CDYL: variants seen among roughly 807,000 people sequenced by gnomAD.
CDYL encodes chromodomain Y like.
CDYL carries 8 observed loss-of-function variants against 47.3 expected under a neutral mutation model. The observed-to-expected ratio is 0.17, with a 90% CI of 0.10 to 0.31. The LOEUF (loss-of-function observed/expected upper bound fraction) is 0.31. CDYL is among the 10% of genes least tolerant of loss of function. The pLI is 1.00. For missense variants in CDYL, 471 were observed against 701.4 expected, an observed-to-expected ratio of 0.67 and a Z score of 3.71; for synonymous variants, 266 against 265.0, an observed-to-expected ratio of 1.00 and a Z score of -0.04.
At chr6:4,944,643 C>T (rs1758458566) in intron 5 of CDYL, among the ~76,000 whole-genome samples, 1 of 152,166 alleles carries the variant, frequency 6.6e-6, no homozygotes, top group Non-Finnish European at 1.5e-5. Flanking sequence ...CCTTCAGGTT[C>T]CAAGGGGCTT....
chr6:4,818,028 G>A (rs574630865), intron 1 of CDYL, among the ~76,000 whole-genome samples: 34 of 152,234 alleles, frequency 2.2e-4, no homozygotes, highest in Non-Finnish European at 4.0e-4. Flanking sequence ...AGGCTGAGGC[G>A]GGCAGATTGC....
chr6:4,726,531 CAAAAAAA>C (rs58148317), intron 2 of CDYL, among the ~76,000 whole-genome samples: 142 of 100,368 alleles, frequency 1.4e-3, no homozygotes, highest in African/African-American at 4.9e-3. Context: ...GACTCTGTCT[CAAAAAAA>C]AAAAAAAAAA....
At position 4,890,040 on chromosome 6, in the gene CDYL, G is replaced by A. The variant is rs9504284; in HGVS notation, c.25-1673G>A. The A allele has an allele frequency of 9.5e-3, 9,363 of 985,462 alleles. 134 individuals carry two copies. The highest frequency in any genetic ancestry group is 0.092 in the East Asian group (807 of 8,808). The allele number at this position is 985,462 out of a possible 1,614,324, so 61.0% of individuals were successfully genotyped here. On this transcript the variant is annotated intron_variant, in intron 1 of 6. Transcript: ENST00000397588. The stretch of plus-strand genomic sequence containing the variant: ...AAGCAGTGTGCTCCACCAGGCTCCT[G>A]CCTCGGCTCTAAGGAAACAGAGGAA...
intron 1 of CDYL, among the ~76,000 whole-genome samples, chr6:4,883,035 TAATC>T (rs879672395): frequency 5.3e-5 from 8 of 152,204 alleles, no homozygotes; most frequent in Non-Finnish European, 1.0e-4. Flanking sequence ...ATGGAGGACA[TAATC>T]AATCTGTGTA....
intron 1 of CDYL, among the ~76,000 whole-genome samples, chr6:4,872,897 G>C (rs1761515141): frequency 6.6e-6 from 1 of 152,184 alleles, no homozygotes; most frequent in South Asian, 2.1e-4. Flanking sequence ...ATTCAGAACA[G>C]GAATTTCTTT....
At chr6:4,796,911 G>T (rs1759088129) in intron 1 of CDYL, among the ~76,000 whole-genome samples, 1 of 152,064 alleles carries the variant, frequency 6.6e-6, no homozygotes, top group Non-Finnish European at 1.5e-5. Flanking sequence ...GCACCTTGTT[G>T]GTATGAGAGA....
chr6:4,836,947 A>C (rs759979989), intron 1 of CDYL, among the ~76,000 whole-genome samples: 130 of 152,268 alleles, frequency 8.5e-4, no homozygotes, highest in Non-Finnish European at 8.8e-5. Flanking sequence ...GTGTGGGTGC[A>C]GGTATGTGTG....
chr6:4,849,082 T>C (rs1202525146), intron 1 of CDYL, among the ~76,000 whole-genome samples: 1 of 152,250 alleles, frequency 6.6e-6, no homozygotes, highest in Non-Finnish European at 1.5e-5. Flanking sequence ...TTTAATCATA[T>C]TTAGCTTAGA....
At chr6:4,821,303 A>C (rs1759830287) in intron 1 of CDYL, among the ~76,000 whole-genome samples, 1 of 112,050 alleles carries the variant, frequency 8.9e-6, no homozygotes, top group African/African-American at 3.7e-5. Flanking sequence ...ACGGAGTCTC[A>C]CTCTCACTCT....
intron 1 of CDYL, among the ~76,000 whole-genome samples, chr6:4,850,618 A>C (rs1001185217): frequency 6.6e-6 from 1 of 152,226 alleles, no homozygotes; most frequent in South Asian, 2.1e-4. Context: ...AGAACTTTGG[A>C]TATAATACAT....
chr6:4,838,384 T>C (rs966258648), intron 1 of CDYL, among the ~76,000 whole-genome samples: 1 of 152,080 alleles, frequency 6.6e-6, no homozygotes, highest in African/African-American at 2.4e-5. Context: ...CTCCCAGTTA[T>C]GAGTGAGAAC....
chr6:4,742,756 C>A (rs572405354), intron 3 of CDYL, among the ~76,000 whole-genome samples: 20 of 152,344 alleles, frequency 1.3e-4, no homozygotes, highest in African/African-American at 4.6e-4. Flanking sequence ...TGGCCTCTGG[C>A]TTTGCCCTCT....
intron 3 of CDYL, among the ~76,000 whole-genome samples, chr6:4,765,295 C>G (rs1417565172): frequency 1.3e-5 from 2 of 151,844 alleles, no homozygotes; most frequent in African/African-American, 4.8e-5. Context: ...TGTACTCCAG[C>G]CTTGGTGACA....
At chr6:4,938,082 G>A (rs372023952) in intron 4 of CDYL, among the ~76,000 whole-genome samples, 66 of 152,318 alleles carry the variant, frequency 4.3e-4, no homozygotes, top group African/African-American at 1.4e-3. Context: ...TATTTGTGCC[G>A]TGAGTATGTT....
intron 1 of CDYL, among the ~76,000 whole-genome samples, chr6:4,865,252 T>G (rs1395945177): frequency 2.0e-5 from 3 of 152,154 alleles, no homozygotes; most frequent in African/African-American, 7.2e-5. Flanking sequence ...ACCTGTTCTG[T>G]AACCTCCCTT....
In CDYL at chr6:4,954,250, C is replaced by T. The variant is rs1014354825; in HGVS notation, c.*194C>T. ...ACTGTAACTTTAAAATAAATAACTA[C>T]AAAGCTTCTTTGTCCAAACGTCATT... On this transcript the variant is annotated 3_prime_UTR_variant, in exon 7 of 7. Coordinates refer to ENST00000397588, the MANE Select transcript of CDYL (RefSeq NM_004824.4). 3.9e-5 allele frequency: 20 copies of T among 519,214 alleles called. No individual in the cohort carries two copies. The highest frequency in any genetic ancestry group is 3.4e-4 in the African/African-American group (18 of 52,890). 32.2% of individuals were successfully genotyped at this position (519,214 alleles called of 1,614,324 possible). A position where few individuals can be genotyped will look rare whatever the true frequency, so the allele number is the denominator to read the frequency against.
At chr6:4,792,379 C>T (rs1488077222) in intron 1 of CDYL, among the ~76,000 whole-genome samples, 1 of 151,664 alleles carries the variant, frequency 6.6e-6, no homozygotes, top group East Asian at 1.9e-4. Context: ...TTATGTTTCA[C>T]TTGCCAAATT....
chr6:4,841,571 A>G (rs1462081345), intron 1 of CDYL, among the ~76,000 whole-genome samples: 2 of 152,152 alleles, frequency 1.3e-5, no homozygotes, highest in Non-Finnish European at 2.9e-5. Flanking sequence ...GCTGTATCCC[A>G]GAAGTTTTGC....
At chr6:4,943,871 T>C (rs994114541) in intron 5 of CDYL, 115 bp downstream of exon 5, 3 of 752,444 alleles carry the variant, frequency 4.0e-6, no homozygotes, top group Admixed American at 3.1e-5. Context: ...GTGGGGACTT[T>C]CCATCTTGTA....
Sources: gnomAD v4.1 joint callset for allele counts (sites outside exome capture counted in the v4.1 genomes callset) on GRCh38, gnomAD v4.1.1 for gene constraint, MANE v1.5 for transcripts, NCBI Gene and HGNC (gene_info 2026-07-23, HGNC 2026-07-21) for gene names.